The following OSBP2 variants were observed in gnomAD, a reference collection of about 807,000 sequenced individuals.
OSBP2 encodes the protein oxysterol-binding protein 2.
In OSBP2, 66 loss-of-function variants were observed where a neutral mutation model predicts 96.0. That is an observed-to-expected ratio of 0.69 (90% CI 0.56 to 0.84). The LOEUF is 0.84. Ranked by LOEUF, OSBP2 falls within the 40% of genes least tolerant of loss-of-function variation. The probability of loss-of-function intolerance (pLI) is 0.00; values close to 1 mark genes in which losing one functional copy is unlikely to be tolerated. For synonymous variants in OSBP2, 525 were observed against 520.9 expected (o/e 1.01, Z -0.11); for missense variants, 1,038 against 1,222.7 (o/e 0.85, Z 2.25).
chr22:30,868,476 A>G (rs1018758952), intron 2 of OSBP2, among the ~76,000 whole-genome samples: 3 of 152,230 alleles, frequency 2.0e-5, no homozygotes, highest in East Asian at 1.9e-4. Flanking sequence ...TGGCCTCTCA[A>G]TGGCCTTGCC....
chr22:30,885,022 CAGGG>C (rs2039780807), intron 3 of OSBP2, among the ~76,000 whole-genome samples: 1 of 152,136 alleles, frequency 6.6e-6, no homozygotes, highest in African/African-American at 2.4e-5. Flanking sequence ...CACCAGGTGC[CAGGG>C]CAGATGCGGG....
intron 2 of OSBP2, among the ~76,000 whole-genome samples, chr22:30,857,385 G>T (rs1217313799): frequency 6.6e-6 from 1 of 152,212 alleles, no homozygotes; most frequent in Non-Finnish European, 1.5e-5. Flanking sequence ...TTACACAGCC[G>T]ACTGGTGGAC....
chr22:30,702,028 C>G (rs897170043), intron 1 of OSBP2, among the ~76,000 whole-genome samples: 2 of 152,170 alleles, frequency 1.3e-5, no homozygotes, highest in African/African-American at 4.8e-5. Context: ...TTTTCCCCAC[C>G]AAACCTGCCT....
At chr22:30,868,683 TCCTGGC>T (rs2039397208) in intron 2 of OSBP2, among the ~76,000 whole-genome samples, 1 of 152,166 alleles carries the variant, frequency 6.6e-6, no homozygotes, top group South Asian at 2.1e-4. Context: ...GCTCCCTGCC[TCCTGGC>T]TGGATGCTGA....
chr22:30,859,830 T>A (rs2039172821), intron 2 of OSBP2, among the ~76,000 whole-genome samples: 1 of 152,214 alleles, frequency 6.6e-6, no homozygotes, highest in South Asian at 2.1e-4. Flanking sequence ...TTTCCCGAGA[T>A]GTCAGGACCC....
intron 4 of OSBP2, 95 bp from the exon 5 acceptor site, chr22:30,888,128 A>T: frequency 1.2e-6 from 1 of 810,940 alleles, no homozygotes; most frequent in Non-Finnish European, 2.1e-6. Flanking sequence ...GAGTGAGGCC[A>T]GATGGGGGTT....
At chr22:30,840,691 G>A (rs1324074429) in intron 2 of OSBP2, among the ~76,000 whole-genome samples, 1 of 152,132 alleles carries the variant, frequency 6.6e-6, no homozygotes, top group Non-Finnish European at 1.5e-5. Flanking sequence ...CTGGCACAAA[G>A]TAAATGCTTA....
chr22:30,893,226 C>T lies in OSBP2; in HGVS notation c.1974C>T (p.Ile658=), dbSNP rs567050952. The part of the protein sequence containing the change: ...TISSKFRGKY[I]SIMPLGAIHL... ...CCAGCAAGTTCCGGGGAAAATACAT[C>T]TCCATCATGCCGCTAGGTGAGCTGG... Residue 658 remains isoleucine (I), a synonymous_variant, in exon 9 of 14, where the codon ATC becomes ATT. Coordinates refer to ENST00000332585, the MANE Select transcript of OSBP2 (RefSeq NM_030758.4). 41 of 1,614,102 alleles carry T rather than the reference C, an allele frequency of 2.5e-5. No individual in the cohort carries two copies. The Admixed American group carries it at 5.7e-4, about 22-fold the overall frequency.
chr22:30,698,978 G>C (rs930994018), intron 1 of OSBP2, among the ~76,000 whole-genome samples: 1 of 151,516 alleles, frequency 6.6e-6, no homozygotes, highest in African/African-American at 2.4e-5. Context: ...GTCTTATTCT[G>C]TTGCCCAGGC....
At chr22:30,902,335 T>C (rs574238070) in intron 12 of OSBP2, 1 of 1,589,500 alleles carries the variant, frequency 6.3e-7, no homozygotes, top group South Asian at 1.1e-5. Context: ...AAGACACAGA[T>C]AAATTTAAAG....
chr22:30,838,079 A>T (rs2147024012), intron 2 of OSBP2, among the ~76,000 whole-genome samples: 1 of 152,306 alleles, frequency 6.6e-6, no homozygotes, highest in Non-Finnish European at 1.5e-5. Context: ...ACACAGTGAG[A>T]TTAAGTCATT....
intron 2 of OSBP2, among the ~76,000 whole-genome samples, chr22:30,831,265 A>C (rs181388358): frequency 6.6e-6 from 1 of 152,226 alleles, no homozygotes; most frequent in African/African-American, 2.4e-5. Flanking sequence ...TTCTTTGGCC[A>C]GTATAATGTG....
chr22:30,865,453 C>T (rs2039315744), intron 2 of OSBP2, among the ~76,000 whole-genome samples: 1 of 151,934 alleles, frequency 6.6e-6, no homozygotes, highest in Admixed American at 6.6e-5. Context: ...AGTGAAACCC[C>T]ATCCCATCTC....
intron 2 of OSBP2, among the ~76,000 whole-genome samples, chr22:30,841,497 TCTCTC>T (rs1400893362): frequency 1.3e-5 from 2 of 152,318 alleles, no homozygotes; most frequent in Admixed American, 6.5e-5. Context: ...TATCAGTACT[TCTCTC>T]CTTTGTACTG....
intron 2 of OSBP2, among the ~76,000 whole-genome samples, chr22:30,818,610 G>A (rs184256046): frequency 2.6e-4 from 40 of 152,294 alleles, no homozygotes; most frequent in Admixed American, 1.9e-3. Context: ...ATCCAGCACT[G>A]GGATGAATAA....
At chr22:30,814,333 C>T (rs1295916083) in intron 2 of OSBP2, among the ~76,000 whole-genome samples, 3 of 151,744 alleles carry the variant, frequency 2.0e-5, no homozygotes, top group East Asian at 1.9e-4. Flanking sequence ...TATGTCCTCA[C>T]ATGGTCCTTC....
Position 30,906,460 on chromosome 22 carries a change from T to C in OSBP2, c.*121T>C. ...CATTCCCAGCCCTTCCTATTTCCTT[T>C]CCTATTTTTTTTTTCTCCCCACACT... is the stretch of plus-strand genomic sequence containing the variant. On this transcript the variant is annotated 3_prime_UTR_variant, in exon 14 of 14. Coordinates refer to ENST00000332585, the MANE Select transcript of OSBP2 (RefSeq NM_030758.4). 1 of 1,256,142 alleles carries C rather than the reference T, an allele frequency of 8.0e-7. No individual in the cohort carries two copies. The highest frequency in any genetic ancestry group is 1.1e-6 in the Non-Finnish European group (1 of 948,400). 77.8% of individuals were successfully genotyped at this position (1,256,142 alleles called of 1,614,324 possible). A position where few individuals can be genotyped will look rare whatever the true frequency, so the allele number is the denominator to read the frequency against.
chr22:30,778,436 T>C (rs1246408124), intron 2 of OSBP2, among the ~76,000 whole-genome samples: 2 of 152,136 alleles, frequency 1.3e-5, no homozygotes, highest in African/African-American at 2.4e-5. Context: ...TTTCTGCTTT[T>C]GCTTCTGCTC....
intron 1 of OSBP2, among the ~76,000 whole-genome samples, chr22:30,706,626 CT>C (rs2089257818): frequency 6.6e-6 from 1 of 152,154 alleles, no homozygotes; most frequent in Non-Finnish European, 1.5e-5. Context: ...AGATGAAGCC[CT>C]GACCCTCGGC....
Sources: gnomAD v4.1 joint callset for allele counts (sites outside exome capture counted in the v4.1 genomes callset) on GRCh38, gnomAD v4.1.1 for gene constraint, MANE v1.5 for transcripts, NCBI Gene and HGNC (gene_info 2026-07-23, HGNC 2026-07-21) for gene names.